LMF1: variants seen among roughly 807,000 people sequenced by gnomAD.
The protein encoded by LMF1 is lipase maturation factor 1.
Under a neutral mutation model 60.6 loss-of-function variants are expected in LMF1, and 68 were observed. That is an observed-to-expected ratio of 1.12 (90% CI 0.92 to 1.37). The LOEUF is 1.37. LMF1 is among the 40% of genes most tolerant of loss of function. The pLI is 0.00. For synonymous variants in LMF1, 418 were observed against 324.7 expected (o/e 1.29, Z -3.09); for missense variants, 948 against 767.2 (o/e 1.24, Z -2.78).
At chr16:974,009 C>CAA (rs34433197), upstream of LMF1, among the ~76,000 whole-genome samples, 28 of 85,792 alleles carry the variant, frequency 3.3e-4, no homozygotes, top group African/African-American at 6.6e-4. Context: ...GACTCTGTCT[C>CAA]AAAAAAAAAA....
intron 1 of LMF1, among the ~76,000 whole-genome samples, chr16:955,140 A>G (rs1194977562): frequency 6.9e-6 from 1 of 145,906 alleles, no homozygotes; most frequent in Non-Finnish European, 1.5e-5. Context: ...TAGACAAGTT[A>G]CATAAAATGC....
intron 5 of LMF1, among the ~76,000 whole-genome samples, chr16:890,810 A>T (rs1409770176): frequency 6.6e-6 from 1 of 152,088 alleles, no homozygotes; most frequent in Non-Finnish European, 1.5e-5. Flanking sequence ...CTCCAGGGAG[A>T]GTGGGTTTGG....
At chr16:868,115 T>C (rs1202867294) in intron 10 of LMF1, among the ~76,000 whole-genome samples, 2 of 152,068 alleles carry the variant, frequency 1.3e-5, no homozygotes, top group African/African-American at 4.8e-5. Flanking sequence ...ATCCCAACCA[T>C]GTGGGGCAGG....
intron 4 of LMF1, among the ~76,000 whole-genome samples, chr16:898,385 T>C (rs1193292297): frequency 6.6e-6 from 1 of 152,242 alleles, no homozygotes; most frequent in Non-Finnish European, 1.5e-5. Context: ...GGGCACTGAC[T>C]TTCTGACCAA....
At chr16:948,257 C>G (rs2072302776) in intron 2 of LMF1, among the ~76,000 whole-genome samples, 1 of 145,298 alleles carries the variant, frequency 6.9e-6, no homozygotes, top group South Asian at 2.2e-4. Context: ...ATGACAGAGT[C>G]AGCCAACGAC....
At chr16:868,782 G>GGT (rs2069684468) in intron 10 of LMF1, among the ~76,000 whole-genome samples, 162 bp downstream of exon 10, 1 of 143,692 alleles carries the variant, frequency 7.0e-6, no homozygotes, top group South Asian at 2.4e-4. Flanking sequence ...GGGGCGGGGG[G>GGT]GGGGGGCCCT....
At chr16:858,169 C>CA (rs1302403198) in intron 10 of LMF1, among the ~76,000 whole-genome samples, 7 of 1,754 alleles carry the variant, frequency 4.0e-3, no homozygotes, top group Admixed American at 0.027. Context: ...GATGGGTGTG[C>CA]GTGGTGTCAC....
rs1326274087 is a variant in LMF1, at chr16:868,959, C to T, written c.1514G>A (p.Gly505Asp). 6.2e-7 allele frequency: 1 copy of T among 1,610,696 alleles called. No homozygotes were observed. The highest frequency in any genetic ancestry group is 1.1e-5 in the South Asian group (1 of 91,028). The stretch of plus-strand genomic sequence containing the variant: ...GGCATCCTACCTGGGCGGGGGCCTG[C>T]CCGCGAAGGGGTTGTGTGCCAGCAG... ...LSLLAHNPFA[G>D]RPPPRWVRGE... The change falls in exon 10 of 11, where the codon GGC becomes GAC. Residue 505 changes from glycine (G) to aspartate (D), a missense_variant. By Grantham distance (94) the Gly-to-Asp change is moderately conservative. Coordinates refer to ENST00000262301, the MANE Select transcript of LMF1 (RefSeq NM_022773.4).
chr16:960,227 G>A (rs2072794642), intron 1 of LMF1, among the ~76,000 whole-genome samples: 1 of 152,220 alleles, frequency 6.6e-6, no homozygotes, highest in Admixed American at 6.5e-5. Context: ...ACCCACCAGT[G>A]GTCAAAGCTG....
rs572608336 is a variant in LMF1, at chr16:980,492, T to G, written c.-135+653A>C. 18 of 152,270 alleles carry G rather than the reference T, an allele frequency of 1.2e-4. No individual in the cohort carries two copies. In the East Asian group the frequency reaches 3.3e-3, roughly 28 times the overall value. The allele number at this position is 152,270 out of a possible 1,614,324, so 9.4% of individuals were successfully genotyped here. ...GGGCCGGGGAGACCGCGTGGCTCAG[T>G]GGCTGCAGCGGCCACCGGCCCGGGC... On this transcript the variant is annotated intron_variant, in intron 1 of 6. Coordinates refer to the LMF1 transcript ENST00000570014.
At chr16:966,420 G>C (rs1336003406) in intron 1 of LMF1, among the ~76,000 whole-genome samples, 1 of 152,210 alleles carries the variant, frequency 6.6e-6, no homozygotes, top group South Asian at 2.1e-4. Context: ...ACCGACAGAC[G>C]AAATCCCTCA....
intron 3 of LMF1, among the ~76,000 whole-genome samples, chr16:915,125 T>G (rs931668401): frequency 6.6e-6 from 1 of 152,102 alleles, no homozygotes; most frequent in Non-Finnish European, 1.5e-5. Context: ...ATACCACTGA[T>G]TTAAAAACAG....
At chr16:875,352 A>G (rs1343822782) in intron 6 of LMF1, among the ~76,000 whole-genome samples, 7 of 152,076 alleles carry the variant, frequency 4.6e-5, no homozygotes, top group Admixed American at 3.9e-4. Context: ...TGCCTGCACC[A>G]GGGCCCGTTG....
chr16:879,186 T>C (rs2070086243), intron 6 of LMF1, among the ~76,000 whole-genome samples: 1 of 152,074 alleles, frequency 6.6e-6, no homozygotes, highest in Non-Finnish European at 1.5e-5. Flanking sequence ...TGGACTGACA[T>C]GAACACTTGA....
rs114662952 is a variant in LMF1, at chr16:913,446, G to A, written c.515-2367C>T. 9.2e-3 allele frequency among the ~76,000 whole-genome samples: 1,406 copies of A among 152,380 alleles called. 21 individuals carry two copies. The highest frequency in any genetic ancestry group is 0.031 in the African/African-American group (1,272 of 41,592). ...CTGAGCCCTGCCCGCTGGACAGGGT[G>A]CGACACCCAACTCCTGCCCTGGCGC... On this transcript the variant is annotated intron_variant, in intron 3 of 10. Coordinates refer to ENST00000262301, the MANE Select transcript of LMF1 (RefSeq NM_022773.4).
intron 8 of LMF1, 51 bp from the exon 9 acceptor site, chr16:870,117 G>A (rs1401122691): frequency 3.8e-5 from 60 of 1,567,370 alleles, no homozygotes; most frequent in African/African-American, 6.7e-5. Context: ...CGGCTGGGCC[G>A]AGTGGGGTGC....
At chr16:910,505 C>T (rs1257141720) in intron 4 of LMF1, among the ~76,000 whole-genome samples, 3 of 152,188 alleles carry the variant, frequency 2.0e-5, no homozygotes, top group Non-Finnish European at 2.9e-5. Context: ...ATACCTCCCT[C>T]ACCCTTGAAT....
Position 954,118 on chromosome 16 carries a change from G to A in LMF1, c.503+239C>T, listed in dbSNP as rs137947471. ...CCTCTGGCTCCAGTAAGCTGGCAACGCAGTCCTTTAAGTAAGGAAGAGCTA... is the reference window on the plus strand; with the variant it reads ...CCTCTGGCTCCAGTAAGCTGGCAACACAGTCCTTTAAGTAAGGAAGAGCTA... On this transcript the variant is annotated intron_variant, in intron 2 of 10. Coordinates refer to ENST00000262301, the MANE Select transcript of LMF1 (RefSeq NM_022773.4). The A allele has an allele frequency of 4.1e-4, 264 of 636,666 alleles. 1 individual carries two copies. Among genetic ancestry groups the A allele is most frequent in the Admixed American group, 5.9e-4 (28 of 47,458 alleles). The allele number at this position is 636,666 out of a possible 1,614,324, so 39.4% of individuals were successfully genotyped here.
At chr16:918,254 C>T (rs2071334184) in intron 3 of LMF1, among the ~76,000 whole-genome samples, 1 of 152,234 alleles carries the variant, frequency 6.6e-6, no homozygotes, top group Non-Finnish European at 1.5e-5. Context: ...TCAGTGACCC[C>T]TGCGCCCGGC....
Sources: allele counts gnomAD v4.1 joint callset (sites outside exome capture counted in the v4.1 genomes callset), GRCh38; gene constraint gnomAD v4.1.1; transcripts MANE v1.5; gene names NCBI Gene and HGNC (gene_info 2026-07-23, HGNC 2026-07-21).